Variants in WWOX observed in about 807,000 individuals in gnomAD.
WWOX encodes WW domain-containing oxidoreductase.
A neutral mutation model predicts 46.2 loss-of-function variants in WWOX; 69 were observed. The ratio of observed to expected loss-of-function variants is 1.49; its 90% CI spans 1.23 to 1.82. WWOX has a LOEUF of 1.82. WWOX is among the 40% of genes most tolerant of loss of function. WWOX has a pLI of 0.00. For synonymous variants in WWOX, 359 were observed against 202.6 expected (o/e 1.77, Z -6.56); for missense variants, 919 against 542.6 (o/e 1.69, Z -6.89).
At chr16:78,527,139 G>C (rs1483250999) in intron 8 of WWOX, among the ~76,000 whole-genome samples, 1 of 151,942 alleles carries the variant, frequency 6.6e-6, no homozygotes, top group Non-Finnish European at 1.5e-5. Flanking sequence ...CTCCAGCCTG[G>C]GCAAAAAGAG....
chr16:78,853,363 C>T (rs959212335), intron 8 of WWOX, among the ~76,000 whole-genome samples: 2 of 152,124 alleles, frequency 1.3e-5, no homozygotes, highest in Non-Finnish European at 1.5e-5. Context: ...CAGGCGCATG[C>T]CACGAAGCCC....
In WWOX at chr16:78,547,447, A is replaced by G. The variant is rs939667278; in HGVS notation, c.1056+114695A>G. 5.3e-5 allele frequency among the ~76,000 whole-genome samples: 8 copies of G among 152,178 alleles called. No homozygotes were observed. In the East Asian group the frequency reaches 1.4e-3, roughly 26 times the overall value. The stretch of plus-strand genomic sequence containing the variant: ...TTCAATGACCCTGTGGTGAAGTGTG[A>G]TTGCTGGCATTTGCCTAGTGTTGAC... On this transcript the variant is annotated intron_variant, in intron 8 of 8. Transcript: ENST00000566780.
At chr16:78,351,242 T>G (rs1038766360) in intron 5 of WWOX, among the ~76,000 whole-genome samples, 1 of 152,220 alleles carries the variant, frequency 6.6e-6, no homozygotes, top group East Asian at 1.9e-4. Flanking sequence ...GCTCCCCGAT[T>G]ACAATATAGA....
intron 5 of WWOX, among the ~76,000 whole-genome samples, chr16:78,196,762 A>G (rs2036065859): frequency 6.6e-6 from 1 of 152,204 alleles, no homozygotes; most frequent in East Asian, 1.9e-4. Flanking sequence ...TGCTTCTGCA[A>G]TGAATTTCAT....
At chr16:78,852,678 G>A (rs966451235) in intron 8 of WWOX, among the ~76,000 whole-genome samples, 3 of 152,136 alleles carry the variant, frequency 2.0e-5, no homozygotes, top group Non-Finnish European at 4.4e-5. Flanking sequence ...GCTTCATTTT[G>A]GAGTAATTTG....
At chr16:78,702,749 G>A (rs890547569) in intron 8 of WWOX, among the ~76,000 whole-genome samples, 2 of 152,074 alleles carry the variant, frequency 1.3e-5, no homozygotes, top group East Asian at 1.9e-4. Flanking sequence ...TGGAAAGATC[G>A]CAGAGGAAGC....
At chr16:78,571,916 C>A (rs1008107816) in intron 8 of WWOX, among the ~76,000 whole-genome samples, 1 of 152,086 alleles carries the variant, frequency 6.6e-6, no homozygotes, top group Admixed American at 6.5e-5. Context: ...TTCACACTCA[C>A]CAGATTGGCA....
chr16:78,778,317 C>T (rs1393464612), intron 8 of WWOX, among the ~76,000 whole-genome samples: 5 of 152,170 alleles, frequency 3.3e-5, no homozygotes, highest in Admixed American at 2.6e-4. Flanking sequence ...CAGCAGTCCA[C>T]GCTTGGGTGG....
chr16:78,218,421 T>C (rs1305192213), intron 5 of WWOX, among the ~76,000 whole-genome samples: 1 of 152,060 alleles, frequency 6.6e-6, no homozygotes, highest in Non-Finnish European at 1.5e-5. Flanking sequence ...TGACAATTCA[T>C]GTAAATGTGT....
intron 5 of WWOX, among the ~76,000 whole-genome samples, chr16:78,369,128 G>A (rs1419133635): frequency 1.3e-5 from 2 of 151,570 alleles, no homozygotes; most frequent in Non-Finnish European, 2.9e-5. Context: ...CACATTAAAG[G>A]AAAACTCATT....
chr16:78,834,369 T>C (rs1212350486), intron 8 of WWOX, among the ~76,000 whole-genome samples: 1 of 152,198 alleles, frequency 6.6e-6, no homozygotes, highest in East Asian at 1.9e-4. Flanking sequence ...TCCAGGATTG[T>C]CGTGCGTGTG....
intron 8 of WWOX, among the ~76,000 whole-genome samples, chr16:79,038,014 C>G (rs1597311940): frequency 6.6e-6 from 1 of 152,234 alleles, no homozygotes; most frequent in East Asian, 1.9e-4. Flanking sequence ...CAACCAGGCT[C>G]CAATATCTGC....
intron 8 of WWOX, among the ~76,000 whole-genome samples, chr16:78,853,785 C>G (rs1259674186): frequency 6.6e-6 from 1 of 152,014 alleles, no homozygotes; most frequent in Non-Finnish European, 1.5e-5. Flanking sequence ...TTCACTGAAC[C>G]AAGAGATGCC....
intron 8 of WWOX, among the ~76,000 whole-genome samples, chr16:79,079,097 G>C (rs78523123): frequency 0.071 from 10,868 of 152,244 alleles, 461 homozygotes; most frequent in Middle Eastern, 0.095. Flanking sequence ...ATGACTTCTT[G>C]TTCATGTAAC....
intron 8 of WWOX, among the ~76,000 whole-genome samples, chr16:79,210,160 T>C (rs1025782306): frequency 3.3e-5 from 5 of 152,204 alleles, no homozygotes; most frequent in African/African-American, 1.2e-4. Context: ...GTCGTATCAC[T>C]TGACTGCATT....
intron 8 of WWOX, among the ~76,000 whole-genome samples, chr16:78,441,956 A>G (rs1362643737): frequency 7.3e-6 from 1 of 136,958 alleles, no homozygotes; most frequent in Non-Finnish European, 1.5e-5. Flanking sequence ...ATATATGCGC[A>G]TGAGTGTGTG....
Position 78,630,153 on chromosome 16 carries a change from A to C in WWOX, c.1056+197401A>C, listed in dbSNP as rs2046394397. 2.6e-5 allele frequency among the ~76,000 whole-genome samples: 4 copies of C among 152,198 alleles called. No homozygotes were observed. In the South Asian group the frequency reaches 8.3e-4, roughly 31 times the overall value. ...AAAATAATTGTTGAATGAATGAATG[A>C]ATGAATGAATGATGATGGCGTGATG... On this transcript the variant is annotated intron_variant, in intron 8 of 8. Transcript: ENST00000566780.
chr16:79,011,729 G>C (rs560906027), intron 8 of WWOX, among the ~76,000 whole-genome samples: 141 of 152,082 alleles, frequency 9.3e-4, no homozygotes, highest in African/African-American at 3.1e-3. Context: ...CTGGGCTCAA[G>C]CTATTCACCT....
intron 8 of WWOX, among the ~76,000 whole-genome samples, chr16:79,177,872 A>G (rs2050832489): frequency 1.3e-5 from 2 of 152,190 alleles, no homozygotes. Flanking sequence ...ACCATAAACT[A>G]GGTAGCTTAT....
Sources: allele counts gnomAD v4.1 joint callset (sites outside exome capture counted in the v4.1 genomes callset), GRCh38; gene constraint gnomAD v4.1.1; transcripts MANE v1.5; gene names NCBI Gene and HGNC (gene_info 2026-07-23, HGNC 2026-07-21).